AUTS2: variants seen among roughly 807,000 people sequenced by gnomAD.
AUTS2 encodes activator of transcription and developmental regulator AUTS2.
Under a neutral mutation model 112.4 loss-of-function variants are expected in AUTS2, and 17 were observed. That is an observed-to-expected ratio of 0.15 (90% CI 0.10 to 0.23). The LOEUF is 0.23. Ranked by LOEUF, AUTS2 falls within the 10% of genes least tolerant of loss-of-function variation. The pLI, the probability that AUTS2 is intolerant of heterozygous loss-of-function variation, is 1.00. For synonymous variants in AUTS2, 751 were observed against 702.7 expected (o/e 1.07, Z -1.09); for missense variants, 1,510 against 1,701.6 (o/e 0.89, Z 1.98).
intron 5 of AUTS2, among the ~76,000 whole-genome samples, chr7:70,654,187 G>C (rs1806650712): frequency 6.6e-6 from 1 of 152,148 alleles, no homozygotes; most frequent in Non-Finnish European, 1.5e-5. Context: ...TGGGGGCCTT[G>C]TCAAAATGAA....
Position 69,944,867 on chromosome 7 carries a change from A to C in AUTS2, c.522+45369A>C, listed in dbSNP as rs566581571. ...GAGTTTGAGGACAGCAAAGCAGCCT[A>C]CTTTGATGAAAGGGTCAGATAGATT... On this transcript the variant is annotated intron_variant, in intron 2 of 18. Coordinates refer to ENST00000342771, the MANE Select transcript of AUTS2 (RefSeq NM_015570.4). Among the ~76,000 whole-genome samples the C allele has an allele frequency of 9.8e-5, 15 of 152,290 alleles. No homozygotes were observed. The South Asian group carries it at 3.1e-3, about 32-fold the overall frequency.
At chr7:70,385,845 A>G (rs184633440) in intron 4 of AUTS2, among the ~76,000 whole-genome samples, 58 of 152,326 alleles carry the variant, frequency 3.8e-4, no homozygotes, top group African/African-American at 1.3e-3. Flanking sequence ...AATGGTGATT[A>G]TGAGAGATAT....
intron 4 of AUTS2, among the ~76,000 whole-genome samples, chr7:70,355,099 T>C (rs1475408805): frequency 6.6e-6 from 1 of 150,502 alleles, no homozygotes; most frequent in Admixed American, 6.6e-5. Context: ...TGTGTGTGTA[T>C]GTATGGGTGT....
rs957695781 is a variant in AUTS2 at position 70,592,098 on chromosome 7, A to G, written c.691-106471A>G. Among the ~76,000 whole-genome samples, 3 of 152,362 alleles carry G rather than the reference A, an allele frequency of 2.0e-5. No homozygotes were observed. In the South Asian group the frequency reaches 6.2e-4, roughly 32 times the overall value. On this transcript the variant is annotated intron_variant, in intron 5 of 18. Transcript: ENST00000342771. ...AATAGAATATATGCTCATTGTAAAA[A>G]TGTAGAAAATGTAATACATATTAAG...
At chr7:69,687,360 G>T (rs753087976) in intron 1 of AUTS2, among the ~76,000 whole-genome samples, 1 of 152,164 alleles carries the variant, frequency 6.6e-6, no homozygotes, top group Non-Finnish European at 1.5e-5. Context: ...AACTGTTGGT[G>T]TGTGTAAGTG....
chr7:70,081,539 C>A (rs1803316573), intron 2 of AUTS2, among the ~76,000 whole-genome samples: 1 of 151,578 alleles, frequency 6.6e-6, no homozygotes, highest in Non-Finnish European at 1.5e-5. Context: ...CCAGTCTGGG[C>A]AACAGAGCAA....
chr7:69,611,697 G>A (rs1002737597), intron 1 of AUTS2, among the ~76,000 whole-genome samples: 10 of 151,804 alleles, frequency 6.6e-5, no homozygotes, highest in African/African-American at 7.3e-5. Context: ...TTGGGAGGCC[G>A]AGGCGGGTGG....
At chr7:69,964,130 A>G (rs1340907366) in intron 2 of AUTS2, among the ~76,000 whole-genome samples, 1 of 152,242 alleles carries the variant, frequency 6.6e-6, no homozygotes, top group East Asian at 1.9e-4. Context: ...ATCCTACCAT[A>G]TTACCTGATA....
chr7:69,907,675 C>A (rs1562961945), intron 2 of AUTS2, among the ~76,000 whole-genome samples: 1 of 152,176 alleles, frequency 6.6e-6, no homozygotes, highest in South Asian at 2.1e-4. Flanking sequence ...TTGGTTGGAT[C>A]CATGGATACA....
At chr7:70,294,593 A>G (rs1010850183) in intron 4 of AUTS2, among the ~76,000 whole-genome samples, 2 of 152,190 alleles carry the variant, frequency 1.3e-5, no homozygotes, top group African/African-American at 2.4e-5. Context: ...TCTGCTTTGC[A>G]TCCAAAATGC....
chr7:69,775,228 T>G (rs1244595058), intron 1 of AUTS2, among the ~76,000 whole-genome samples: 1 of 152,174 alleles, frequency 6.6e-6, no homozygotes, highest in African/African-American at 2.4e-5. Flanking sequence ...ATCTTCTTGG[T>G]GGCTAATGGC....
intron 5 of AUTS2, among the ~76,000 whole-genome samples, chr7:70,457,151 G>A (rs561915424): frequency 9.8e-5 from 15 of 152,294 alleles, no homozygotes; most frequent in African/African-American, 1.7e-4. Flanking sequence ...ACAGCCTTAC[G>A]TTCCCTTTCT....
intron 5 of AUTS2, among the ~76,000 whole-genome samples, chr7:70,689,651 C>T (rs1326022008): frequency 3.3e-5 from 5 of 151,746 alleles, no homozygotes; most frequent in African/African-American, 9.7e-5. Flanking sequence ...TGGCGGGTGC[C>T]TGTAGTCCCA....
At chr7:70,531,566 G>C (rs756421000) in intron 5 of AUTS2, among the ~76,000 whole-genome samples, 3 of 152,164 alleles carry the variant, frequency 2.0e-5, no homozygotes, top group Non-Finnish European at 4.4e-5. Flanking sequence ...CATATGGTGA[G>C]AGACGGAGCA....
At chr7:70,218,389 C>T (rs1182692222) in intron 4 of AUTS2, among the ~76,000 whole-genome samples, 1 of 152,162 alleles carries the variant, frequency 6.6e-6, no homozygotes, top group African/African-American at 2.4e-5. Context: ...GTGCTTCTGA[C>T]TTCCCTCTGA....
At chr7:70,453,273 A>G (rs1247729482) in intron 5 of AUTS2, among the ~76,000 whole-genome samples, 3 of 152,212 alleles carry the variant, frequency 2.0e-5, no homozygotes, top group Non-Finnish European at 2.9e-5. Flanking sequence ...TGTCTAAAAG[A>G]TGACGGGGGA....
chr7:69,814,150 AGTTGTACTTTTT>A (rs1174840027), intron 1 of AUTS2, among the ~76,000 whole-genome samples: 1 of 152,140 alleles, frequency 6.6e-6, no homozygotes, highest in East Asian at 1.9e-4. Context: ...AGTTTTAGGG[AGTTGTACTTTTT>A]GTTGCTTTAA....
Position 70,762,931 on chromosome 7 carries a change from C to T in AUTS2, c.804C>T (p.Val268=). Residue 268 remains valine (V), a synonymous_variant, in exon 7 of 19, where the codon GTC becomes GTT. Transcript: ENST00000342771. ...ACAGCCAGGATGCAGGGCCGATTGT[C>T]CCCAAGATATCGGGTCTAGAGAGAA... The part of the protein sequence containing the change: ...EHDSQDAGPI[V]PKISGLERSQ... The T allele has an allele frequency of 6.2e-7, 1 of 1,614,120 alleles. No homozygotes were observed. Among genetic ancestry groups the T allele is most frequent in the Non-Finnish European group, 8.5e-7 (1 of 1,180,012 alleles).
intron 4 of AUTS2, among the ~76,000 whole-genome samples, chr7:70,397,825 C>G (rs1425896399): frequency 3.3e-5 from 5 of 152,062 alleles, no homozygotes; most frequent in Admixed American, 1.3e-4. Context: ...TATAGTTTTG[C>G]CTAACTCAAG....
Sources: allele counts gnomAD v4.1 joint callset (sites outside exome capture counted in the v4.1 genomes callset), GRCh38; gene constraint gnomAD v4.1.1; transcripts MANE v1.5; gene names NCBI Gene and HGNC (gene_info 2026-07-23, HGNC 2026-07-21).